The following FAM3C variants were observed in gnomAD, a reference collection of about 807,000 sequenced individuals.
FAM3C encodes the protein FAM3 metabolism regulating signaling molecule C.
Under a neutral mutation model 32.5 loss-of-function variants are expected in FAM3C, and 15 were observed. The observed-to-expected ratio is 0.46, with a 90% CI of 0.31 to 0.71. The LOEUF (loss-of-function observed/expected upper bound fraction) is 0.71, where lower values mean the gene tolerates loss of function less well. Ranked by LOEUF, FAM3C falls within the 30% of genes least tolerant of loss-of-function variation. The pLI, the probability that FAM3C is intolerant of heterozygous loss-of-function variation, is 0.05. For synonymous variants in FAM3C, 75 were observed against 86.1 expected (o/e 0.87, Z 0.72); for missense variants, 175 against 274.4 (o/e 0.64, Z 2.56).
rs138705969 is a variant in FAM3C at position 121,373,176 on chromosome 7, G to GTCAGGATTTTAACTACTTAAAA, written c.119-1059_119-1038dup. Among the ~76,000 whole-genome samples the GTCAGGATTTTAACTACTTAAAA allele has an allele frequency of 9.5e-3, 1,441 of 152,070 alleles. 26 individuals carry two copies. Among genetic ancestry groups the GTCAGGATTTTAACTACTTAAAA allele is most frequent in the African/African-American group, 0.033 (1,352 of 41,428 alleles). ...TTTTTAAGTATTTTAAGTACTTAAAGTCAGGATTTTAACTACTTAAAATCA... is the reference window on the plus strand; with the variant it reads ...TTTTTAAGTATTTTAAGTACTTAAAGTCAGGATTTTAACTACTTAAAATCAGGATTTTAACTACTTAAAATCA... On this transcript the variant is annotated intron_variant, in intron 3 of 9. Coordinates refer to ENST00000359943, the MANE Select transcript of FAM3C (RefSeq NM_014888.3).
chr7:121,395,660 C>G (rs140808648), intron 1 of FAM3C, among the ~76,000 whole-genome samples: 1 of 152,112 alleles, frequency 6.6e-6, no homozygotes, highest in Non-Finnish European at 1.5e-5. Context: ...CATCAAAGGG[C>G]TGGATAGCTT....
intron 3 of FAM3C, among the ~76,000 whole-genome samples, chr7:121,376,657 C>T (rs904380283): frequency 5.9e-5 from 9 of 152,126 alleles, no homozygotes; most frequent in African/African-American, 2.2e-4. Flanking sequence ...GATTTTGGAG[C>T]ATTTCAGATT....
intron 1 of FAM3C, among the ~76,000 whole-genome samples, chr7:121,394,918 G>A (rs1313729305): frequency 1.3e-5 from 2 of 152,162 alleles, no homozygotes; most frequent in African/African-American, 4.8e-5. Flanking sequence ...ATGACTAATA[G>A]TAACGGTTCC....
chr7:121,363,041 T>C, intron 6 of FAM3C, 94 bp from the exon 7 acceptor site: 1 of 634,006 alleles, frequency 1.6e-6, no homozygotes, highest in Non-Finnish European at 2.8e-6. Flanking sequence ...TGTGAATTCA[T>C]TAGCAGAGAA....
intron 1 of FAM3C, among the ~76,000 whole-genome samples, chr7:121,389,034 T>A (rs1794524727): frequency 6.6e-6 from 1 of 152,100 alleles, no homozygotes; most frequent in Non-Finnish European, 1.5e-5. Flanking sequence ...AGAATGAAAT[T>A]GGTAAAATAT....
At chr7:121,357,293 G>GAGCAAGTT (rs1183700548) in intron 8 of FAM3C, among the ~76,000 whole-genome samples, 1 of 152,088 alleles carries the variant, frequency 6.6e-6, no homozygotes, top group Non-Finnish European at 1.5e-5. Flanking sequence ...TTTCTCTCTT[G>GAGCAAGTT]GAAAGAGCAG....
In FAM3C at chr7:121,379,003, A is replaced by G; in HGVS notation, c.25T>C (p.Leu9=). The G allele has an allele frequency of 1.3e-6, 2 of 1,556,928 alleles. No homozygotes were observed. The highest frequency in any genetic ancestry group is 4.7e-5 in the East Asian group (2 of 42,594). The change falls in exon 3 of 10, where the codon TTG becomes CTG. Residue 9 remains leucine (L), a synonymous_variant. Coordinates refer to ENST00000359943, the MANE Select transcript of FAM3C (RefSeq NM_014888.3). ...AAAAACACTGCCACAGCTACCACCA[A>G]CTTTGCAGCACCTAAAAGGCAGAAG... The part of the protein sequence containing the change: MRVAGAAK[L]VVAVAVFLLT...
At chr7:121,351,103 G>T in intron 9 of FAM3C, 40 bp downstream of exon 9, 1 of 1,583,300 alleles carries the variant, frequency 6.3e-7, no homozygotes, top group Middle Eastern at 2.2e-4. Context: ...AGGTTTCACA[G>T]AATTTGTTTT....
intron 2 of FAM3C, among the ~76,000 whole-genome samples, chr7:121,381,122 T>C (rs1311408938): frequency 6.6e-6 from 1 of 152,140 alleles, no homozygotes; most frequent in Non-Finnish European, 1.5e-5. Context: ...ATTCTGGACT[T>C]GATGGGGCCT....
At chr7:121,374,674 G>C (rs1794208156) in intron 3 of FAM3C, among the ~76,000 whole-genome samples, 1 of 152,112 alleles carries the variant, frequency 6.6e-6, no homozygotes, top group Non-Finnish European at 1.5e-5. Context: ...TTAAATTTTG[G>C]CCAATTCAAC....
intron 2 of FAM3C, 29 bp downstream of exon 2, chr7:121,382,928 A>G: frequency 6.4e-7 from 1 of 1,559,114 alleles, no homozygotes; most frequent in Non-Finnish European, 8.8e-7. Flanking sequence ...CAAAAAGTAC[A>G]ATTACTTCTA....
chr7:121,382,091 G>A (rs894272500), intron 2 of FAM3C, among the ~76,000 whole-genome samples: 4 of 152,118 alleles, frequency 2.6e-5, no homozygotes, highest in African/African-American at 9.7e-5. Context: ...CACACGCTTA[G>A]TAGAAATTTC....
rs1403531260 is a variant in FAM3C, at chr7:121,350,246, C to A, written c.*215G>T. On this transcript the variant is annotated 3_prime_UTR_variant, in exon 10 of 10. Transcript: ENST00000359943. ...AACATTGTACTTTTAGGGAAATGTG[C>A]GGAGACATGGTTCAGTGATTTGATC... 4 of 520,408 alleles carry A rather than the reference C, an allele frequency of 7.7e-6. No individual in the cohort carries two copies. The highest frequency in any genetic ancestry group is 2.2e-5 in the South Asian group (1 of 45,122). The allele number at this position is 520,408 out of a possible 1,614,324, so 32.2% of individuals were successfully genotyped here. A position where few individuals can be genotyped will look rare whatever the true frequency, so the allele number is the denominator to read the frequency against.
chr7:121,389,551 A>T (rs1186875741), intron 1 of FAM3C, among the ~76,000 whole-genome samples: 1 of 152,162 alleles, frequency 6.6e-6, no homozygotes, highest in Non-Finnish European at 1.5e-5. Context: ...CCTACAGATA[A>T]GCCCTCATTC....
chr7:121,395,218 TAC>T (rs1159236889), intron 1 of FAM3C, among the ~76,000 whole-genome samples: 1 of 151,358 alleles, frequency 6.6e-6, no homozygotes, highest in Non-Finnish European at 1.5e-5. Context: ...TACGGATACA[TAC>T]ATATATATGG....
chr7:121,373,565 T>A (rs1003807753), intron 3 of FAM3C, among the ~76,000 whole-genome samples: 1 of 152,202 alleles, frequency 6.6e-6, no homozygotes. Flanking sequence ...ATAATAAACA[T>A]TTGTTATTGC....
At chr7:121,355,859 G>C (rs1793797719) in intron 8 of FAM3C, among the ~76,000 whole-genome samples, 1 of 152,134 alleles carries the variant, frequency 6.6e-6, no homozygotes, top group South Asian at 2.1e-4. Context: ...GCATGACTTT[G>C]AAGAGAGTAC....
At chr7:121,387,211 A>C (rs1195592498) in intron 1 of FAM3C, among the ~76,000 whole-genome samples, 2 of 152,132 alleles carry the variant, frequency 1.3e-5, no homozygotes, top group Non-Finnish European at 2.9e-5. Context: ...ATTTTTTTTC[A>C]ACCCACTTAA....
At chr7:121,360,617 G>C (rs1228981913) in intron 7 of FAM3C, among the ~76,000 whole-genome samples, 2 of 152,118 alleles carry the variant, frequency 1.3e-5, no homozygotes, top group African/African-American at 4.8e-5. Flanking sequence ...GGGATGGCTT[G>C]AGCCCAGGAG....
Sources: allele counts gnomAD v4.1 joint callset (sites outside exome capture counted in the v4.1 genomes callset), GRCh38; gene constraint gnomAD v4.1.1; transcripts MANE v1.5; gene names NCBI Gene and HGNC (gene_info 2026-07-23, HGNC 2026-07-21).